The following DLC1 variants were observed in gnomAD, a reference collection of about 807,000 sequenced individuals.
DLC1 encodes DLC1 Rho GTPase activating protein.
A neutral mutation model predicts 140.3 loss-of-function variants in DLC1; 54 were observed. That is an observed-to-expected ratio of 0.38 (90% CI 0.31 to 0.48). DLC1 has a LOEUF of 0.48. Among genes scored for constraint, DLC1 ranks in the 20% least tolerant of loss-of-function variants. The pLI, the probability that DLC1 is intolerant of heterozygous loss-of-function variation, is 0.96. For missense variants in DLC1, 2,536 were observed against 1,907.0 expected (o/e 1.33, Z -6.14); for synonymous variants, 986 against 728.1 (o/e 1.35, Z -5.70).
At chr8:13,289,362 A>C (rs970363456) in intron 5 of DLC1, among the ~76,000 whole-genome samples, 12 of 151,370 alleles carry the variant, frequency 7.9e-5, no homozygotes, top group Admixed American at 7.9e-4. Context: ...GGTTAAATTA[A>C]TTTTTTTTTC....
intron 1 of DLC1, among the ~76,000 whole-genome samples, chr8:13,553,331 T>A (rs1304438543): frequency 2.0e-5 from 3 of 149,454 alleles, no homozygotes; most frequent in Non-Finnish European, 3.0e-5. Flanking sequence ...ATGTACTATA[T>A]CCCTTTCTCT....
At chr8:13,523,715 T>A (rs955981837) in intron 1 of DLC1, among the ~76,000 whole-genome samples, 3 of 151,894 alleles carry the variant, frequency 2.0e-5, no homozygotes, top group African/African-American at 4.8e-5. Context: ...AAAATTAGCA[T>A]GGTTTAGAAG....
chr8:13,289,796 G>C (rs190479832), intron 5 of DLC1, among the ~76,000 whole-genome samples: 4 of 152,240 alleles, frequency 2.6e-5, no homozygotes, highest in African/African-American at 9.6e-5. Context: ...TGTGAGTGGC[G>C]TGACACCCAG....
intron 1 of DLC1, among the ~76,000 whole-genome samples, chr8:13,559,548 T>C (rs1804171005): frequency 6.6e-6 from 1 of 152,228 alleles, no homozygotes; most frequent in African/African-American, 2.4e-5. Flanking sequence ...GCAATTTCCA[T>C]GTCATTCAAC....
At chr8:13,597,521 T>C (rs887796545) in intron 1 of DLC1, among the ~76,000 whole-genome samples, 2 of 152,084 alleles carry the variant, frequency 1.3e-5, no homozygotes, top group African/African-American at 4.8e-5. Flanking sequence ...TGTTTTACCC[T>C]TTTGAGTTAA....
chr8:13,464,367 C>G (rs1799825196), intron 2 of DLC1, among the ~76,000 whole-genome samples: 1 of 152,138 alleles, frequency 6.6e-6, no homozygotes, highest in African/African-American at 2.4e-5. Flanking sequence ...TGCCTTTGAG[C>G]ATTTGCAATC....
intron 2 of DLC1, among the ~76,000 whole-genome samples, chr8:13,498,433 C>A (rs561604292): frequency 1.3e-5 from 2 of 152,118 alleles, no homozygotes; most frequent in African/African-American, 4.8e-5. Flanking sequence ...TGGTTATTAG[C>A]CTTTTCTGGT....
At chr8:13,273,202 C>G (rs1831016846) in intron 5 of DLC1, among the ~76,000 whole-genome samples, 1 of 152,178 alleles carries the variant, frequency 6.6e-6, no homozygotes, top group Non-Finnish European at 1.5e-5. Context: ...ATGTGATGTG[C>G]TCTGCTGACC....
At chr8:13,239,204 C>A (rs1829434650) in intron 5 of DLC1, among the ~76,000 whole-genome samples, 1 of 152,084 alleles carries the variant, frequency 6.6e-6, no homozygotes, top group Admixed American at 6.6e-5. Flanking sequence ...TCAACAAGAG[C>A]AGTTGTTAGG....
At chr8:13,534,322 A>G (rs1012671476) in intron 1 of DLC1, among the ~76,000 whole-genome samples, 2 of 152,124 alleles carry the variant, frequency 1.3e-5, no homozygotes, top group African/African-American at 4.8e-5. Context: ...AATAATAAGA[A>G]CTGTATTTTC....
intron 2 of DLC1, among the ~76,000 whole-genome samples, chr8:13,413,321 C>A (rs1837884956): frequency 8.4e-6 from 1 of 118,946 alleles, no homozygotes; most frequent in Non-Finnish European, 1.7e-5. Flanking sequence ...TATGTGTGGC[C>A]CAAGATAATT....
intron 4 of DLC1, among the ~76,000 whole-genome samples, chr8:13,320,624 G>T (rs974195980): frequency 1.3e-5 from 2 of 152,122 alleles, no homozygotes; most frequent in Non-Finnish European, 2.9e-5. Flanking sequence ...GGAGGTGTTT[G>T]GGTCATGGGG....
chr8:13,564,350 TA>T (rs1804352516), intron 1 of DLC1, among the ~76,000 whole-genome samples: 1 of 152,154 alleles, frequency 6.6e-6, no homozygotes, highest in Non-Finnish European at 1.5e-5. Context: ...AAATGGCCAT[TA>T]CAGTGAGATT....
At chr8:13,276,403 G>A (rs1343705458) in intron 5 of DLC1, 9 of 1,478,086 alleles carry the variant, frequency 6.1e-6, no homozygotes, top group African/African-American at 1.4e-5. Flanking sequence ...TCCCCCATCC[G>A]CTCGCAGACG....
At chr8:13,174,926 C>G (rs1563137637) in intron 5 of DLC1, among the ~76,000 whole-genome samples, 1 of 152,098 alleles carries the variant, frequency 6.6e-6, no homozygotes, top group Non-Finnish European at 1.5e-5. Context: ...GTCATAAATT[C>G]TTTGCCAAGG....
intron 5 of DLC1, among the ~76,000 whole-genome samples, chr8:13,152,862 A>T (rs1473832990): frequency 6.6e-6 from 1 of 151,296 alleles, no homozygotes; most frequent in Non-Finnish European, 1.5e-5. Context: ...AACTTGGTCA[A>T]TTATCTGAAA....
chr8:13,425,950 C>T lies in DLC1; in HGVS notation c.1024-24331G>A, dbSNP rs763763489. 4.1e-4 allele frequency among the ~76,000 whole-genome samples: 62 copies of T among 152,090 alleles called. 1 individual carries two copies. The Middle Eastern group carries it at 0.014, about 33-fold the overall frequency. The stretch of plus-strand genomic sequence containing the variant: ...GCCTCAGCCTCCTGAGTAGGTGGTA[C>T]CACAGGCATGCACCACCACATCTGG... On this transcript the variant is annotated intron_variant, in intron 2 of 17. Coordinates refer to ENST00000276297, the MANE Select transcript of DLC1 (RefSeq NM_182643.3).
At chr8:13,237,942 GAAAGAAAGAAAGAA>G (rs985788467) in intron 5 of DLC1, among the ~76,000 whole-genome samples, 2 of 151,926 alleles carry the variant, frequency 1.3e-5, no homozygotes, top group African/African-American at 2.4e-5. Context: ...GCAAGAGCAA[GAAAGAAAGAAAGAA>G]AAAGAAAGAA....
intron 1 of DLC1, among the ~76,000 whole-genome samples, chr8:13,548,454 C>T (rs916328499): frequency 6.6e-6 from 1 of 151,926 alleles, no homozygotes; most frequent in Non-Finnish European, 1.5e-5. Context: ...TGCCATGGGT[C>T]TGCAATAGTG....
Sources: allele counts gnomAD v4.1 joint callset (sites outside exome capture counted in the v4.1 genomes callset), GRCh38; gene constraint gnomAD v4.1.1; transcripts MANE v1.5; gene names NCBI Gene and HGNC (gene_info 2026-07-23, HGNC 2026-07-21).